Variants in NTRK3 observed in about 807,000 individuals in gnomAD.
NTRK3 encodes NT-3 growth factor receptor.
NTRK3 carries 24 observed loss-of-function variants against 91.7 expected under a neutral mutation model. That is an observed-to-expected ratio of 0.26 (90% CI 0.19 to 0.37). The LOEUF is 0.37. Among genes scored for constraint, NTRK3 ranks in the 10% least tolerant of loss-of-function variants. The pLI is 1.00. For synonymous variants in NTRK3, 483 were observed against 404.0 expected (o/e 1.20, Z -2.34); for missense variants, 880 against 1,068.9 (o/e 0.82, Z 2.46).
intron 14 of NTRK3, among the ~76,000 whole-genome samples, chr15:88,006,909 G>A (rs1348550648): frequency 1.3e-5 from 2 of 152,090 alleles, no homozygotes; most frequent in African/African-American, 2.4e-5. Context: ...TAATTTTAAC[G>A]TTGCCTTCCT....
At chr15:87,930,129 A>C (rs2068664264) in intron 16 of NTRK3, among the ~76,000 whole-genome samples, 2 of 151,990 alleles carry the variant, frequency 1.3e-5, no homozygotes, top group African/African-American at 2.4e-5. Context: ...TAACCACTCC[A>C]CCACACCGCT....
intron 10 of NTRK3, among the ~76,000 whole-genome samples, chr15:88,130,514 C>A (rs1476894806): frequency 4.6e-5 from 7 of 152,086 alleles, no homozygotes; most frequent in African/African-American, 1.7e-4. Context: ...GCAGACACCA[C>A]CTTGACCAAG....
exon 10 of NTRK3, chr15:88,135,142 T>C (rs765402150): frequency 6.2e-7 from 1 of 1,614,166 alleles, no homozygotes; most frequent in African/African-American, 1.3e-5. Flanking sequence ...GATGGTCTGG[T>C]TGGCTGTGCC....
At chr15:88,101,589 T>C (rs1354855852) in intron 13 of NTRK3, among the ~76,000 whole-genome samples, 1 of 152,220 alleles carries the variant, frequency 6.6e-6, no homozygotes, top group Non-Finnish European at 1.5e-5. Flanking sequence ...GCGGCACTAT[T>C]CACAATAGCA....
Position 87,897,682 on chromosome 15 carries a change from C to T in NTRK3, c.2134-17254G>A, listed in dbSNP as rs955575890. On this transcript the variant is annotated intron_variant, in intron 17 of 18. Transcript: ENST00000394480. The stretch of plus-strand genomic sequence containing the variant: ...TGATCCTAGATTTTGAAAAATCTGA[C>T]CCTGCATAGCTCAGGTACTGAGAGT... Among the ~76,000 whole-genome samples, 9 of 152,216 alleles carry T rather than the reference C, an allele frequency of 5.9e-5. No homozygotes were observed. The East Asian group carries it at 1.7e-3, about 29-fold the overall frequency.
At chr15:88,116,414 G>C (rs1015330524) in intron 13 of NTRK3, among the ~76,000 whole-genome samples, 1 of 150,572 alleles carries the variant, frequency 6.6e-6, no homozygotes, top group Admixed American at 6.6e-5. Flanking sequence ...GTGAAACCCC[G>C]TATCTACTAA....
At chr15:87,975,826 C>T (rs2073670082) in intron 14 of NTRK3, among the ~76,000 whole-genome samples, 1 of 152,176 alleles carries the variant, frequency 6.6e-6, no homozygotes, top group African/African-American at 2.4e-5. Context: ...ACTAGCAGCA[C>T]AAGGCCTTGC....
intron 10 of NTRK3, among the ~76,000 whole-genome samples, chr15:88,129,792 G>A (rs964861693): frequency 1.3e-5 from 2 of 152,138 alleles, no homozygotes; most frequent in Non-Finnish European, 2.9e-5. Flanking sequence ...GATAGTCCTG[G>A]ATTGTTATGG....
intron 5 of NTRK3, among the ~76,000 whole-genome samples, chr15:88,148,822 A>C (rs892546428): frequency 2.0e-5 from 3 of 152,096 alleles, no homozygotes; most frequent in African/African-American, 7.2e-5. Flanking sequence ...AAGAGAAGGG[A>C]GTGGAGATAA....
rs538562211 is a variant in NTRK3 at position 87,866,988 on chromosome 15, T to C, written c.*9947A>G. On this transcript the variant is annotated 3_prime_UTR_variant, in exon 19 of 19. Coordinates refer to ENST00000394480, the Ensembl canonical transcript of NTRK3. ...AATTATGTTTTACCATTTATCCATATAGTTAACAGCCAGAAAACAACAGAG... is the reference window on the plus strand; with the variant it reads ...AATTATGTTTTACCATTTATCCATACAGTTAACAGCCAGAAAACAACAGAG... 4 of 218,578 alleles carry C rather than the reference T, an allele frequency of 1.8e-5. No individual in the cohort carries two copies. The Admixed American group carries it at 2.3e-4, about 13-fold the overall frequency. The allele number at this position is 218,578 out of a possible 1,614,324, so 13.5% of individuals were successfully genotyped here.
At chr15:87,865,813 T>C (rs879410683) in exon 19 of NTRK3, 2 of 228,322 alleles carry the variant, frequency 8.8e-6, no homozygotes, top group Non-Finnish European at 1.7e-5. Context: ...CTAAGCCAAA[T>C]AGATAAAGAA....
intron 13 of NTRK3, among the ~76,000 whole-genome samples, chr15:88,080,818 T>C (rs1007673591): frequency 9.9e-5 from 15 of 152,224 alleles, no homozygotes; most frequent in African/African-American, 2.9e-4. Flanking sequence ...ATGGTGCCAA[T>C]GACCTCCATA....
chr15:88,084,696 G>A (rs112643824), intron 13 of NTRK3, among the ~76,000 whole-genome samples: 4,684 of 152,220 alleles, frequency 0.031, 231 homozygotes, highest in African/African-American at 0.1. Flanking sequence ...GCACAAAGAC[G>A]TCCCCCTGCC....
intron 17 of NTRK3, among the ~76,000 whole-genome samples, chr15:87,889,001 TTTC>T (rs1412388473): frequency 6.6e-6 from 1 of 152,092 alleles, no homozygotes; most frequent in Admixed American, 6.6e-5. Context: ...ACAGAAAAAC[TTTC>T]TTCTCTCTCC....
chr15:88,000,154 C>T (rs1252850527), intron 14 of NTRK3, among the ~76,000 whole-genome samples: 1 of 152,184 alleles, frequency 6.6e-6, no homozygotes, highest in African/African-American at 2.4e-5. Flanking sequence ...GATTTAGACA[C>T]AGGTAGGGAC....
chr15:87,979,384 A>G (rs768872814), intron 14 of NTRK3: 2 of 1,613,996 alleles, frequency 1.2e-6, no homozygotes, highest in South Asian at 1.1e-5. Context: ...AAACATTGAC[A>G]TCCTCAACAT....
At chr15:88,028,495 C>G (rs1000720520) in intron 14 of NTRK3, among the ~76,000 whole-genome samples, 7 of 152,004 alleles carry the variant, frequency 4.6e-5, no homozygotes, top group African/African-American at 1.7e-4. Flanking sequence ...ACAGATGGAC[C>G]TTCAGGACAG....
chr15:88,255,973 C>A lies in NTRK3; in HGVS notation c.181G>T (p.Asp61Tyr), dbSNP rs2054019888. 6.2e-7 allele frequency: 1 copy of A among 1,613,516 alleles called. No homozygotes were observed. Among genetic ancestry groups the A allele is most frequent in the Non-Finnish European group, 8.5e-7 (1 of 1,179,714 alleles). ...GCGTTCCCATTGCTGTTCCCTGAAT[C>A]CTGCCCTTCCAGGAGGGGGAAGAGG... Residue 61 changes from aspartate (D) to tyrosine (Y), a missense_variant, in exon 3 of 19, where the codon GAT becomes TAT. Asp to Tyr is a radical substitution (Grantham distance 160, BLOSUM62 -3). Around this residue, in one of 3 missense-constraint regions of NTRK3, gnomAD observed 743 missense variants for 868.6 expected, o/e 0.86. Coordinates refer to ENST00000394480, the Ensembl canonical transcript of NTRK3. This position sits in a 1 kb window ranked among gnomAD's most constrained non-coding sequence, Gnocchi z 4.3.
chr15:88,140,115 T>C (rs1286737652), intron 6 of NTRK3, among the ~76,000 whole-genome samples: 2 of 152,042 alleles, frequency 1.3e-5, no homozygotes, highest in Non-Finnish European at 2.9e-5. Context: ...ATCAGGAAAT[T>C]TGGAATTCAT....
Sources: gnomAD v4.1 joint callset for allele counts (sites outside exome capture counted in the v4.1 genomes callset) on GRCh38, gnomAD v4.1.1 for gene constraint, gnomAD v4.1.1 regional missense constraint, Gnocchi (gnomAD v3.1) non-coding constraint, MANE v1.5 for transcripts, NCBI Gene and HGNC (gene_info 2026-07-23, HGNC 2026-07-21) for gene names.